The following ZNF280D variants were observed in gnomAD, a reference collection of about 807,000 sequenced individuals.
ZNF280D encodes zinc finger protein 280D.
A neutral mutation model predicts 94.7 loss-of-function variants in ZNF280D; 39 were observed. The ratio of observed to expected loss-of-function variants is 0.41; its 90% confidence interval spans 0.32 to 0.54. The LOEUF (loss-of-function observed/expected upper bound fraction) is 0.54. ZNF280D is among the 20% of genes least tolerant of loss of function. The probability of loss-of-function intolerance (pLI) is 0.22; values close to 1 mark genes in which losing one functional copy is unlikely to be tolerated. For missense variants in ZNF280D, 1,090 were observed against 1,149.3 expected, an observed-to-expected ratio of 0.95 and a Z score of 0.75; for synonymous variants, 398 against 377.6, an observed-to-expected ratio of 1.05 and a Z score of -0.63.
intron 16 of ZNF280D, among the ~76,000 whole-genome samples, chr15:56,662,460 C>T (rs2054006938): frequency 1.3e-5 from 2 of 152,022 alleles, no homozygotes; most frequent in Admixed American, 6.6e-5. Context: ...TTGTAATGTG[C>T]TAGGTGATAT....
At chr15:56,700,744 TA>T in intron 6 of ZNF280D, 188 bp downstream of exon 6, 1 of 1,480,744 alleles carries the variant, frequency 6.8e-7, no homozygotes, top group South Asian at 1.4e-5. Context: ...GTTGGGTAGT[TA>T]GCTCCTTCAG....
chr15:56,687,774 A>G (rs2056126938), intron 9 of ZNF280D, among the ~76,000 whole-genome samples: 1 of 152,194 alleles, frequency 6.6e-6, no homozygotes, highest in Admixed American at 6.5e-5. Context: ...CTCCTATAAG[A>G]CCAAAACACA....
intron 13 of ZNF280D, among the ~76,000 whole-genome samples, chr15:56,670,661 T>C (rs941498689): frequency 1.3e-5 from 2 of 152,052 alleles, no homozygotes; most frequent in Non-Finnish European, 2.9e-5. Context: ...TATGTGTGCA[T>C]ATGTCTTAAC....
At chr15:56,690,786 A>T (rs181493924) in intron 7 of ZNF280D, among the ~76,000 whole-genome samples, 1 of 152,184 alleles carries the variant, frequency 6.6e-6, no homozygotes, top group East Asian at 1.9e-4. Context: ...AATCCTCACA[A>T]TTGTACATTA....
intron 5 of ZNF280D, 44 bp from the exon 6 acceptor site, chr15:56,701,116 A>G (rs760669277): frequency 1.4e-5 from 23 of 1,611,476 alleles, no homozygotes; most frequent in Non-Finnish European, 1.8e-5. Context: ...ATTTGTACAT[A>G]ATCAATTTTG....
intron 1 of ZNF280D, among the ~76,000 whole-genome samples, chr15:56,727,002 C>G (rs773579414): frequency 4.6e-5 from 7 of 152,018 alleles, no homozygotes; most frequent in Non-Finnish European, 8.8e-5. Flanking sequence ...TTTTAACCCC[C>G]CCAAAAAAGG....
At chr15:56,712,978 G>A (rs1339623183) in intron 1 of ZNF280D, among the ~76,000 whole-genome samples, 6 of 152,090 alleles carry the variant, frequency 3.9e-5, no homozygotes, top group Non-Finnish European at 7.4e-5. Flanking sequence ...GAACTCAAGT[G>A]ATCTGCCCGC....
chr15:56,724,813 G>C (rs1194178265), intron 1 of ZNF280D: 1 of 439,018 alleles, frequency 2.3e-6, no homozygotes, highest in South Asian at 1.6e-5. Flanking sequence ...CTACAATGTA[G>C]TGTCACTGAA....
chr15:56,723,821 G>A (rs1408766772), intron 1 of ZNF280D, among the ~76,000 whole-genome samples: 1 of 150,676 alleles, frequency 6.6e-6, no homozygotes, highest in Non-Finnish European at 1.5e-5. Flanking sequence ...TTGTGATGGG[G>A]TAATGATTAA....
At position 56,658,512 on chromosome 15, in the gene ZNF280D, A is replaced by C. The variant is rs201941750; in HGVS notation, c.1995-26T>G. On this transcript the variant is annotated intron_variant, in intron 16 of 21. Transcript: ENST00000267807. ...CTGGAGAAACAAAAGAGATAGTAAA[A>C]ATTTTATTATACAATAAGTCACATT... 1,171 of 1,494,176 alleles carry C rather than the reference A, an allele frequency of 7.8e-4. No homozygotes were observed. Among genetic ancestry groups the C allele is most frequent in the Non-Finnish European group, 9.0e-4 (997 of 1,111,482 alleles). 92.6% of individuals were successfully genotyped at this position (1,494,176 alleles called of 1,614,324 possible).
chr15:56,716,283 A>G (rs1294436386), intron 1 of ZNF280D, among the ~76,000 whole-genome samples: 1 of 152,154 alleles, frequency 6.6e-6, no homozygotes, highest in East Asian at 1.9e-4. Context: ...GGTAAGTGCT[A>G]TGAAGGTTAT....
chr15:56,652,952 AAAAATAGACATCAT>A, intron 19 of ZNF280D: 1 of 912,374 alleles, frequency 1.1e-6, no homozygotes, highest in Non-Finnish European at 1.3e-6. Context: ...AATATAATAT[AAAAATAGACATCAT>A]AAAATAGACA....
intron 1 of ZNF280D, among the ~76,000 whole-genome samples, chr15:56,727,465 G>C (rs1394636427): frequency 6.6e-6 from 1 of 151,416 alleles, no homozygotes; most frequent in Non-Finnish European, 1.5e-5. Flanking sequence ...GTCTCAAAAA[G>C]AAAAAAAAGA....
rs1224706577 is a variant in ZNF280D at position 56,733,463 on chromosome 15, G to A, written c.-91C>T. 3 of 1,082,956 alleles carry A rather than the reference G, an allele frequency of 2.8e-6. No homozygotes were observed. Among genetic ancestry groups the A allele is most frequent in the African/African-American group, 3.5e-5 (2 of 57,696 alleles). 67.1% of individuals were successfully genotyped at this position (1,082,956 alleles called of 1,614,324 possible). A position where few individuals can be genotyped will look rare whatever the true frequency, so the allele number is the denominator to read the frequency against. On this transcript the variant is annotated 5_prime_UTR_variant, in exon 1 of 22. Transcript: ENST00000267807. Reference sequence around the variant, plus strand: ...GGGGGCGGGGGGGCGCTTACCGTGAGCGGAGCGGATCGGCCTGACTGGAGC... The same window carrying A: ...GGGGGCGGGGGGGCGCTTACCGTGAACGGAGCGGATCGGCCTGACTGGAGC...
chr15:56,720,259 C>G (rs2058285117), intron 1 of ZNF280D, among the ~76,000 whole-genome samples: 1 of 152,156 alleles, frequency 6.6e-6, no homozygotes. Context: ...GCATCTTCAC[C>G]AGGAATAGGT....
At chr15:56,678,396 C>A (rs767976384) in intron 11 of ZNF280D, among the ~76,000 whole-genome samples, 3 of 152,184 alleles carry the variant, frequency 2.0e-5, no homozygotes, top group African/African-American at 7.2e-5. Flanking sequence ...AACTAGGATA[C>A]TAGGCTCCTA....
At chr15:56,698,797 G>T (rs1273152185) in intron 6 of ZNF280D, 1 of 152,218 alleles carries the variant, frequency 6.6e-6, no homozygotes, top group Non-Finnish European at 1.5e-5. Context: ...TACGTGGCAA[G>T]GAGCCAGCCA....
intron 9 of ZNF280D, among the ~76,000 whole-genome samples, chr15:56,688,576 T>G (rs1272800501): frequency 6.6e-6 from 1 of 151,992 alleles, no homozygotes; most frequent in Admixed American, 6.6e-5. Flanking sequence ...TTATTTCATA[T>G]GAAATGCTTC....
intron 20 of ZNF280D, among the ~76,000 whole-genome samples, chr15:56,642,732 A>G (rs1399683589): frequency 6.6e-6 from 1 of 151,808 alleles, no homozygotes. Flanking sequence ...CAAGTGAAAT[A>G]TAAGATGTCT....
Sources: gnomAD v4.1 joint callset for allele counts (sites outside exome capture counted in the v4.1 genomes callset) on GRCh38, gnomAD v4.1.1 for gene constraint, MANE v1.5 for transcripts, NCBI Gene and HGNC (gene_info 2026-07-23, HGNC 2026-07-21) for gene names.